Variants in NRXN3 observed in about 807,000 individuals in gnomAD.
NRXN3 encodes the protein neurexin III.
In NRXN3, 32 loss-of-function variants were observed where a neutral mutation model predicts 137.6. The ratio of observed to expected loss-of-function variants is 0.23; its 90% confidence interval spans 0.18 to 0.31. The LOEUF is 0.31. Ranked by LOEUF, NRXN3 falls within the 10% of genes least tolerant of loss-of-function variation. The probability of loss-of-function intolerance (pLI) is 1.00; values close to 1 mark genes in which losing one functional copy is unlikely to be tolerated. For missense variants in NRXN3, 1,574 were observed against 2,062.5 expected (o/e 0.76, Z 4.59); for synonymous variants, 798 against 784.5 (o/e 1.02, Z -0.29).
At chr14:78,781,252 A>T (rs2153028533) in intron 8 of NRXN3, among the ~76,000 whole-genome samples, 1 of 152,342 alleles carries the variant, frequency 6.6e-6, no homozygotes, top group South Asian at 2.1e-4. Flanking sequence ...TATATTAATA[A>T]TATAAAAACA....
At chr14:79,481,428 C>A (rs1248367967) in intron 16 of NRXN3, among the ~76,000 whole-genome samples, 2 of 152,132 alleles carry the variant, frequency 1.3e-5, no homozygotes, top group African/African-American at 2.4e-5. Flanking sequence ...CTTACACAAA[C>A]CTAGATGTTA....
At chr14:78,474,835 C>T (rs1485757177) in intron 4 of NRXN3, among the ~76,000 whole-genome samples, 1 of 152,196 alleles carries the variant, frequency 6.6e-6, no homozygotes, top group African/African-American at 2.4e-5. Flanking sequence ...ATACCAGGTA[C>T]AGAAGTACTT....
chr14:79,074,914 C>T lies in NRXN3; in HGVS notation c.3262+86773C>T, dbSNP rs1267160752. 5 of 152,050 alleles carry T rather than the reference C, an allele frequency of 3.3e-5. No individual in the cohort carries two copies. In the East Asian group the frequency reaches 5.8e-4, roughly 18 times the overall value. The allele number at this position is 152,050 out of a possible 1,614,324, so 9.4% of individuals were successfully genotyped here. On this transcript the variant is annotated intron_variant, in intron 15 of 20. Coordinates refer to ENST00000335750, the MANE Select transcript of NRXN3 (RefSeq NM_001330195.2). ...TTGATTTCTGCTTGGGCTAAAACAC[C>T]CAGAATAAGATCAAGTCCCCCTTGG...
At chr14:78,236,615 T>TA (rs1217020319) in intron 1 of NRXN3, among the ~76,000 whole-genome samples, 1 of 152,210 alleles carries the variant, frequency 6.6e-6, no homozygotes, top group Non-Finnish European at 1.5e-5. Context: ...AGTCCTGGGG[T>TA]AAAAATGTTC....
chr14:79,004,629 G>T (rs534573672), intron 15 of NRXN3, among the ~76,000 whole-genome samples: 235 of 152,272 alleles, frequency 1.5e-3, no homozygotes, highest in African/African-American at 5.3e-3. Flanking sequence ...CAACAGTGGG[G>T]CACACTGTTG....
intron 15 of NRXN3, among the ~76,000 whole-genome samples, chr14:79,209,957 A>T (rs1299527886): frequency 2.0e-5 from 3 of 152,222 alleles, no homozygotes; most frequent in African/African-American, 7.2e-5. Context: ...ATAAGTGAGG[A>T]AGAACCAGTT....
At chr14:78,719,161 G>A (rs767030579) in intron 8 of NRXN3, among the ~76,000 whole-genome samples, 2 of 152,178 alleles carry the variant, frequency 1.3e-5, no homozygotes, top group Non-Finnish European at 2.9e-5. Flanking sequence ...TCCCTGAATG[G>A]CTTTTTCTAA....
chr14:79,858,775 C>T (rs569130244), intron 20 of NRXN3, among the ~76,000 whole-genome samples: 5 of 152,142 alleles, frequency 3.3e-5, no homozygotes, highest in African/African-American at 1.2e-4. Flanking sequence ...TCAAACCTTG[C>T]CCTCTTTCAT....
intron 4 of NRXN3, among the ~76,000 whole-genome samples, chr14:78,595,604 A>T (rs2097152056): frequency 6.6e-6 from 1 of 152,224 alleles, no homozygotes. Flanking sequence ...GTTTTCTTTG[A>T]CCCAGATCCT....
chr14:78,906,675 C>T (rs2099217845), intron 10 of NRXN3, among the ~76,000 whole-genome samples: 1 of 151,950 alleles, frequency 6.6e-6, no homozygotes, highest in Non-Finnish European at 1.5e-5. Flanking sequence ...AATTGCCGCA[C>T]AAAGGGTGGA....
At chr14:79,299,360 A>G (rs921652261) in intron 15 of NRXN3, among the ~76,000 whole-genome samples, 21 of 152,118 alleles carry the variant, frequency 1.4e-4, no homozygotes, top group African/African-American at 4.6e-4. Flanking sequence ...AGAGGTTAGC[A>G]AACTTTTCCT....
intron 15 of NRXN3, among the ~76,000 whole-genome samples, chr14:79,077,755 AATTATT>A (rs1420540838): frequency 6.6e-6 from 1 of 152,186 alleles, no homozygotes. Flanking sequence ...ATAGGCCATA[AATTATT>A]ATTATATCAG....
intron 15 of NRXN3, among the ~76,000 whole-genome samples, chr14:79,238,531 G>A (rs182839845): frequency 1.2e-4 from 19 of 152,020 alleles, no homozygotes; most frequent in Admixed American, 3.9e-4. Flanking sequence ...AAGGTCAAGC[G>A]CTGTGATGTG....
At chr14:78,654,905 T>C (rs1028715601) in intron 6 of NRXN3, among the ~76,000 whole-genome samples, 7 of 152,212 alleles carry the variant, frequency 4.6e-5, no homozygotes, top group Non-Finnish European at 8.8e-5. Flanking sequence ...TTTCCTGGGA[T>C]GACTAAAGAA....
intron 19 of NRXN3, among the ~76,000 whole-genome samples, chr14:79,723,606 G>C (rs1164318252): frequency 6.6e-6 from 1 of 152,110 alleles, no homozygotes; most frequent in Non-Finnish European, 1.5e-5. Flanking sequence ...GGATGTGTGT[G>C]TTATGGAGAC....
intron 4 of NRXN3, among the ~76,000 whole-genome samples, chr14:78,632,213 AT>A (rs1304655289): frequency 1.3e-5 from 2 of 151,614 alleles, no homozygotes; most frequent in East Asian, 1.9e-4. Context: ...AATTCCCATG[AT>A]TTTTTTCCTA....
At chr14:79,279,012 T>G (rs557372067) in intron 15 of NRXN3, among the ~76,000 whole-genome samples, 7 of 152,326 alleles carry the variant, frequency 4.6e-5, no homozygotes, top group African/African-American at 1.7e-4. Context: ...CCCTTACTTT[T>G]CCTCCGAAAT....
At chr14:78,732,430 C>G (rs2098520488) in intron 8 of NRXN3, among the ~76,000 whole-genome samples, 1 of 152,124 alleles carries the variant, frequency 6.6e-6, no homozygotes, top group Non-Finnish European at 1.5e-5. Flanking sequence ...TAGGTTGATC[C>G]AAGAAGACTA....
chr14:78,601,457 CT>C (rs33919299), intron 4 of NRXN3, among the ~76,000 whole-genome samples: 19,027 of 143,684 alleles, frequency 0.13, 1,690 homozygotes, highest in African/African-American at 0.27. Flanking sequence ...AGTACTGATT[CT>C]TTTTTTTTTT....
Sources: gnomAD v4.1 joint callset for allele counts (sites outside exome capture counted in the v4.1 genomes callset) on GRCh38, gnomAD v4.1.1 for gene constraint, MANE v1.5 for transcripts, NCBI Gene and HGNC (gene_info 2026-07-23, HGNC 2026-07-21) for gene names.